GLDC: variants seen among roughly 807,000 people sequenced by gnomAD.
GLDC encodes the protein glycine decarboxylase.
GLDC carries 104 observed loss-of-function variants against 121.3 expected under a neutral mutation model. The observed-to-expected ratio is 0.86, with a 90% CI of 0.73 to 1.01. The LOEUF (loss-of-function observed/expected upper bound fraction) is 1.01. Ranked by LOEUF, GLDC falls within the 50% of genes least tolerant of loss-of-function variation. The pLI is 0.00. For synonymous variants in GLDC, 546 were observed against 480.6 expected (o/e 1.14, Z -1.78); for missense variants, 1,429 against 1,306.6 (o/e 1.09, Z -1.44).
In GLDC at chr9:6,592,151, A is replaced by T. The variant is rs773943678; in HGVS notation, c.1474T>A (p.Ser492Thr). 1.9e-6 allele frequency: 3 copies of T among 1,584,852 alleles called. No homozygotes were observed. In the East Asian group the frequency reaches 6.7e-5, roughly 35 times the overall value. The change falls in exon 11 of 25, where the codon TCA (serine) becomes ACA (threonine). Residue 492 changes from serine (S) to threonine (T), a missense_variant. Transcript: ENST00000321612. ...GTTTTTATTTTACTTACTGCAGATG[A>T]CTCACAACCAAAGATCCACAACAAA... Reference protein sequence around the residue: ...DDLLWIFGCESSAELVAESMG... With the variant: ...DDLLWIFGCETSAELVAESMG...
At chr9:6,606,888 C>T (rs559128204) in intron 4 of GLDC, among the ~76,000 whole-genome samples, 1 of 152,000 alleles carries the variant, frequency 6.6e-6, no homozygotes, top group Non-Finnish European at 1.5e-5. Context: ...GCCTGGCCAA[C>T]GTGATAAAAC....
chr9:6,573,643 A>G (rs1818008193), intron 15 of GLDC, among the ~76,000 whole-genome samples: 1 of 152,126 alleles, frequency 6.6e-6, no homozygotes. Flanking sequence ...TTGGTGTTGG[A>G]CATCTTTGAT....
chr9:6,559,461 G>T (rs543497709), intron 16 of GLDC, among the ~76,000 whole-genome samples: 53 of 148,744 alleles, frequency 3.6e-4, no homozygotes, highest in Non-Finnish European at 4.1e-4. Context: ...GTTGCGGTGA[G>T]CCGAGATTGC....
chr9:6,644,429 T>C, intron 2 of GLDC, 185 bp downstream of exon 2: 1 of 647,756 alleles, frequency 1.5e-6, no homozygotes, highest in South Asian at 1.8e-5. Context: ...AACACAAAAC[T>C]GTCTGCTCCG....
At chr9:6,639,437 T>G (rs972449302) in intron 2 of GLDC, 3 of 908,402 alleles carry the variant, frequency 3.3e-6, no homozygotes, top group Non-Finnish European at 5.5e-6. Context: ...TTGTGTTCAT[T>G]GTGGATGTTA....
intron 8 of GLDC, among the ~76,000 whole-genome samples, chr9:6,595,710 G>A (rs1818478885): frequency 6.6e-6 from 1 of 152,168 alleles, no homozygotes; most frequent in Non-Finnish European, 1.5e-5. Context: ...GTGTGCAACT[G>A]TAGTCCCAGT....
chr9:6,643,755 A>T (rs1397562760), intron 2 of GLDC, among the ~76,000 whole-genome samples: 3 of 151,992 alleles, frequency 2.0e-5, no homozygotes, highest in Non-Finnish European at 4.4e-5. Flanking sequence ...CATTCGGGGT[A>T]GGGCACAGTG....
At chr9:6,557,648 G>C (rs987666154) in intron 17 of GLDC, 1 of 137,938 alleles carries the variant, frequency 7.2e-6, no homozygotes, top group Admixed American at 7.1e-5. Context: ...AAAAAAAAAA[G>C]AATTCCCACA....
chr9:6,621,209 T>C lies in GLDC; in HGVS notation c.335-890A>G, dbSNP rs146556291. Among the ~76,000 whole-genome samples the C allele has an allele frequency of 2.7e-4, 41 of 152,206 alleles. 1 individual carries two copies. Among genetic ancestry groups the C allele is most frequent in the Middle Eastern group, 3.4e-3 (1 of 294 alleles). ...AGCAAAAAAACACACCCTTATGCAG[T>C]TTCTACCAGCATTCTCATGAAGGCA... On this transcript the variant is annotated intron_variant, in intron 2 of 24. Transcript: ENST00000321612.
At chr9:6,582,777 C>T (rs1261470429) in intron 15 of GLDC, among the ~76,000 whole-genome samples, 2 of 150,782 alleles carry the variant, frequency 1.3e-5, no homozygotes, top group African/African-American at 2.4e-5. Context: ...TGCAGTGAGC[C>T]GATATCGCGC....
rs1283254549 is a variant in GLDC at position 6,610,375 on chromosome 9, G to T, written c.471-19C>A. 6.2e-7 allele frequency: 1 copy of T among 1,613,218 alleles called. No individual in the cohort carries two copies. The highest frequency in any genetic ancestry group is 8.5e-7 in the Non-Finnish European group (1 of 1,179,376). ...GGTGATCCTGCAAGGGAAACAAAAGGTCTTGTCCAAACTGACTGCTGTTTA... is the reference window on the plus strand; with the variant it reads ...GGTGATCCTGCAAGGGAAACAAAAGTTCTTGTCCAAACTGACTGCTGTTTA... On this transcript the variant is annotated intron_variant, in intron 3 of 24. Coordinates refer to ENST00000321612, the MANE Select transcript of GLDC (RefSeq NM_000170.3).
intron 7 of GLDC, among the ~76,000 whole-genome samples, chr9:6,602,823 C>T (rs145535829): frequency 1.8e-4 from 28 of 152,072 alleles, no homozygotes; most frequent in Admixed American, 3.3e-4. Flanking sequence ...TGGAAATATA[C>T]GACAAAATTG....
chr9:6,588,369 T>G, intron 14 of GLDC, 32 bp downstream of exon 14: 2 of 1,526,790 alleles, frequency 1.3e-6, no homozygotes, highest in Non-Finnish European at 1.8e-6. Context: ...TGCCCCTTGC[T>G]GAGTATCCAC....
chr9:6,615,109 G>T (rs1009787228), intron 3 of GLDC, among the ~76,000 whole-genome samples: 8 of 152,076 alleles, frequency 5.3e-5, no homozygotes, highest in Non-Finnish European at 1.0e-4. Context: ...GCCTCTCAAT[G>T]GAAATAACAT....
intron 2 of GLDC, among the ~76,000 whole-genome samples, chr9:6,624,158 A>G (rs1819182961): frequency 6.6e-6 from 1 of 152,262 alleles, no homozygotes. Context: ...GTAAGAGGCC[A>G]GCACTATAGT....
intron 15 of GLDC, among the ~76,000 whole-genome samples, chr9:6,584,573 G>A (rs966531239): frequency 2.0e-5 from 3 of 152,252 alleles, no homozygotes; most frequent in Non-Finnish European, 4.4e-5. Context: ...TATGGAATAT[G>A]TGGTGTATCC....
chr9:6,565,603 T>C (rs1817840707), intron 15 of GLDC, 174 bp from the exon 16 acceptor site: 2 of 682,590 alleles, frequency 2.9e-6, no homozygotes, highest in Admixed American at 2.1e-5. Flanking sequence ...TCTTGAACAA[T>C]CAAAACAATC....
rs769506106 is a variant in GLDC, at chr9:6,550,926, G to C, written c.2458-12C>G. 6.5e-7 allele frequency: 1 copy of C among 1,545,342 alleles called. No individual in the cohort carries two copies. The highest frequency in any genetic ancestry group is 8.9e-7 in the Non-Finnish European group (1 of 1,117,420). ...TTGCCTCCCATCATCTGCAACAAAG[G>C]GAAAAAGAGCCATTAGCCATTGAAC... On this transcript the variant is annotated splice_polypyrimidine_tract_variant and intron_variant, in intron 20 of 24. Transcript: ENST00000321612.
At chr9:6,543,907 G>C (rs1293119030) in intron 21 of GLDC, among the ~76,000 whole-genome samples, 3 of 150,134 alleles carry the variant, frequency 2.0e-5, no homozygotes, top group African/African-American at 7.4e-5. Flanking sequence ...GGGGGATGAA[G>C]GAAAAGCAAG....
Sources: allele counts gnomAD v4.1 joint callset (sites outside exome capture counted in the v4.1 genomes callset), GRCh38; gene constraint gnomAD v4.1.1; transcripts MANE v1.5; gene names NCBI Gene and HGNC (gene_info 2026-07-23, HGNC 2026-07-21).